The following WNT2B variants were observed in gnomAD, a reference collection of about 807,000 sequenced individuals.
WNT2B encodes the protein Wnt family member 2B.
A neutral mutation model predicts 40.5 loss-of-function variants in WNT2B; 19 were observed. The observed-to-expected ratio is 0.47, with a 90% CI of 0.33 to 0.69. The LOEUF is 0.69. Among genes scored for constraint, WNT2B ranks in the 30% least tolerant of loss-of-function variants. The probability of loss-of-function intolerance (pLI) is 0.02; values close to 1 mark genes in which losing one functional copy is unlikely to be tolerated. For synonymous variants in WNT2B, 220 were observed against 211.9 expected (o/e 1.04, Z -0.33); for missense variants, 467 against 556.4 (o/e 0.84, Z 1.62).
At chr1:112,476,087 C>T (rs1651046555) in intron 1 of WNT2B, among the ~76,000 whole-genome samples, 1 of 152,142 alleles carries the variant, frequency 6.6e-6, no homozygotes, top group African/African-American at 2.4e-5. Flanking sequence ...AGATCTAAAT[C>T]ATGCAAATTA....
chr1:112,482,908 A>G (rs1277191124), intron 1 of WNT2B, among the ~76,000 whole-genome samples: 2 of 152,190 alleles, frequency 1.3e-5, no homozygotes, highest in African/African-American at 2.4e-5. Context: ...CAAAATCCCA[A>G]TGGTATTCTT....
Position 112,520,559 on chromosome 1 carries a change from A to C in WNT2B, c.*50A>C, listed in dbSNP as rs781412787. On this transcript the variant is annotated 3_prime_UTR_variant, in exon 5 of 5. Coordinates refer to ENST00000369684, the MANE Select transcript of WNT2B (RefSeq NM_024494.3). ...TCCAATTCAAGCCTCTCAACTCAAAAGCACAAGATCCTTGCATGCACACCT... is the reference window on the plus strand; with the variant it reads ...TCCAATTCAAGCCTCTCAACTCAAACGCACAAGATCCTTGCATGCACACCT... 2.5e-6 allele frequency: 4 copies of C among 1,584,354 alleles called. No homozygotes were observed. The East Asian group carries it at 6.9e-5, about 27-fold the overall frequency.
chr1:112,491,081 G>C (rs760065435), intron 1 of WNT2B: 18 of 1,612,248 alleles, frequency 1.1e-5, no homozygotes. Flanking sequence ...TGTTTGCAAA[G>C]GTACATGATA....
rs147116701 is a variant in WNT2B at position 112,522,259 on chromosome 1, G to C, written c.*1750G>C. The C allele has an allele frequency of 1.3e-3, 191 of 152,352 alleles. No individual in the cohort carries two copies. Among genetic ancestry groups the C allele is most frequent in the African/African-American group, 4.4e-3 (183 of 41,556 alleles). 9.4% of individuals were successfully genotyped at this position (152,352 alleles called of 1,614,324 possible). A position where few individuals can be genotyped will look rare whatever the true frequency, so the allele number is the denominator to read the frequency against. On this transcript the variant is annotated 3_prime_UTR_variant, in exon 5 of 5. Transcript: ENST00000369684. ...TGCCCAGGCTGGTCTTGAATTCTTG[G>C]TCTCAAGCAATCCTCCCACTGCAGC...
chr1:112,469,369 A>G (rs1650802050), intron 1 of WNT2B, among the ~76,000 whole-genome samples: 1 of 152,196 alleles, frequency 6.6e-6, no homozygotes, highest in African/African-American at 2.4e-5. Flanking sequence ...TTCTGCGGAA[A>G]ATGACATTGG....
At chr1:112,502,973 GCACACACACTCA>G (rs1652004381) in intron 1 of WNT2B, among the ~76,000 whole-genome samples, 1 of 152,064 alleles carries the variant, frequency 6.6e-6, no homozygotes, top group Non-Finnish European at 1.5e-5. Flanking sequence ...CCAAGAATCT[GCACACACACTCA>G]CACACACACC....
chr1:112,479,238 T>A (rs1372578054), intron 1 of WNT2B, among the ~76,000 whole-genome samples: 1 of 150,274 alleles, frequency 6.7e-6, no homozygotes, highest in Non-Finnish European at 1.5e-5. Context: ...AATAAATAAA[T>A]AAAAATAAAA....
rs556166039 is a variant in WNT2B at position 112,528,253 on chromosome 1, C to G, written c.*7744C>G. On this transcript the variant is annotated 3_prime_UTR_variant, in exon 5 of 5. Transcript: ENST00000369684. ...ACTGGTATGTGCTGAAACTTAGAAG[C>G]AGGAATGTACAAGCAATATATAAGG... The G allele has an allele frequency of 1.3e-5, 2 of 152,140 alleles. No homozygotes were observed. The highest frequency in any genetic ancestry group is 2.4e-5 in the African/African-American group (1 of 41,514). The allele number at this position is 152,140 out of a possible 1,614,324, so 9.4% of individuals were successfully genotyped here.
At chr1:112,472,527 T>A (rs1474613391) in intron 1 of WNT2B, among the ~76,000 whole-genome samples, 1 of 145,768 alleles carries the variant, frequency 6.9e-6, no homozygotes, top group Non-Finnish European at 1.5e-5. Flanking sequence ...CTAGAATAAA[T>A]GATGCTCTGT....
At chr1:112,473,231 G>C (rs1650946813) in intron 1 of WNT2B, among the ~76,000 whole-genome samples, 1 of 150,520 alleles carries the variant, frequency 6.6e-6, no homozygotes, top group Admixed American at 6.7e-5. Flanking sequence ...AAGGAAGGAA[G>C]GAAGGAAGGA....
intron 1 of WNT2B, among the ~76,000 whole-genome samples, chr1:112,502,001 C>G (rs1372944735): frequency 6.6e-6 from 1 of 152,262 alleles, no homozygotes; most frequent in African/African-American, 2.4e-5. Context: ...GCGCGGCGCC[C>G]GGTTCACAGG....
chr1:112,475,601 C>G (rs1220525602), intron 1 of WNT2B, among the ~76,000 whole-genome samples: 1 of 151,922 alleles, frequency 6.6e-6, no homozygotes, highest in African/African-American at 2.4e-5. Context: ...GATTCTTATT[C>G]TGTAAATTCA....
intron 1 of WNT2B, among the ~76,000 whole-genome samples, chr1:112,483,547 T>G (rs1207542144): frequency 6.7e-6 from 1 of 148,332 alleles, no homozygotes; most frequent in Non-Finnish European, 1.5e-5. Flanking sequence ...AGGGGAACAT[T>G]TTCTTGATAT....
chr1:112,474,763 G>A (rs1651004947), intron 1 of WNT2B, among the ~76,000 whole-genome samples: 1 of 152,236 alleles, frequency 6.6e-6, no homozygotes, highest in Non-Finnish European at 1.5e-5. Context: ...TGGAGGTGGA[G>A]TCTGGTGGGA....
chr1:112,482,182 G>C (rs756045882), intron 1 of WNT2B, among the ~76,000 whole-genome samples: 1 of 150,690 alleles, frequency 6.6e-6, no homozygotes, highest in African/African-American at 2.4e-5. Flanking sequence ...TAATTTAAAC[G>C]GTGGTGCATG....
chr1:112,488,179 T>C (rs962381752), intron 1 of WNT2B, among the ~76,000 whole-genome samples: 6 of 151,690 alleles, frequency 4.0e-5, no homozygotes, highest in Non-Finnish European at 8.8e-5. Flanking sequence ...CGCCTAGTAA[T>C]CCCAGCTATT....
rs192850760 is a variant in WNT2B at position 112,501,258 on chromosome 1, A to G, written c.-94-13616A>G. On this transcript the variant is annotated intron_variant, in intron 1 of 4. Coordinates refer to the WNT2B transcript ENST00000256640. ...TTTTATCGCATCATATCAAGAGTAC[A>G]TACTATCAACCTGACACTGGTATGT... Among the ~76,000 whole-genome samples, 136 of 152,308 alleles carry G rather than the reference A, an allele frequency of 8.9e-4. 2 individuals carry two copies. In the South Asian group the frequency reaches 0.017, roughly 19 times the overall value.
At position 112,494,722 on chromosome 1, in the gene WNT2B, G is replaced by A. The variant is rs147003781; in HGVS notation, c.-94-20152G>A. ...AGACAAACAAAAAATAGGAGAATTT[G>A]TTGCCATTGGACTGGCCTTGCCAGA... On this transcript the variant is annotated intron_variant, in intron 1 of 4. Coordinates refer to the WNT2B transcript ENST00000256640. Among the ~76,000 whole-genome samples the A allele has an allele frequency of 3.0e-3, 457 of 151,662 alleles. 33 individuals are homozygous for A. Among genetic ancestry groups the A allele is most frequent in the African/African-American group, 0.011 (437 of 40,920 alleles).
At position 112,525,964 on chromosome 1, in the gene WNT2B, T is replaced by C. The variant is rs1311069328; in HGVS notation, c.*5455T>C. The C allele has an allele frequency of 6.2e-7, 1 of 1,611,034 alleles. No homozygotes were observed. The highest frequency in any genetic ancestry group is 8.5e-7 in the Non-Finnish European group (1 of 1,177,720). ...GGTTACTGTCACTTTACAGATGCTG[T>C]TCAGAAAAATTTGGTGATTTGTCCA... On this transcript the variant is annotated 3_prime_UTR_variant, in exon 5 of 5. Coordinates refer to ENST00000369684, the MANE Select transcript of WNT2B (RefSeq NM_024494.3).
Sources: gnomAD v4.1 joint callset for allele counts (sites outside exome capture counted in the v4.1 genomes callset) on GRCh38, gnomAD v4.1.1 for gene constraint, MANE v1.5 for transcripts, NCBI Gene and HGNC (gene_info 2026-07-23, HGNC 2026-07-21) for gene names.